The following CADM2 variants were observed in gnomAD, a reference collection of about 807,000 sequenced individuals.
The protein encoded by CADM2 is immunoglobulin superfamily member 4D.
CADM2 carries 12 observed loss-of-function variants against 49.8 expected under a neutral mutation model. The observed-to-expected ratio is 0.24, with a 90% CI of 0.15 to 0.39. The LOEUF is 0.39. Ranked by LOEUF, CADM2 falls within the 10% of genes least tolerant of loss-of-function variation. CADM2 has a pLI of 1.00. For missense variants in CADM2, 378 were observed against 492.3 expected, an observed-to-expected ratio of 0.77 and a Z score of 2.20; for synonymous variants, 214 against 175.4, an observed-to-expected ratio of 1.22 and a Z score of -1.74.
chr3:85,349,736 G>A (rs2031141397), intron 1 of CADM2, among the ~76,000 whole-genome samples: 1 of 152,208 alleles, frequency 6.6e-6, no homozygotes, highest in Non-Finnish European at 1.5e-5. Flanking sequence ...ATTGCAGTGA[G>A]AGAGAACAGA....
chr3:85,269,998 G>A (rs1410574715), intron 1 of CADM2, among the ~76,000 whole-genome samples: 4 of 150,848 alleles, frequency 2.7e-5, no homozygotes, highest in Non-Finnish European at 5.9e-5. Context: ...TTAGGTTCCC[G>A]GGGAAAAAAG....
At chr3:85,475,019 C>A (rs1215003301) in intron 1 of CADM2, among the ~76,000 whole-genome samples, 7 of 151,812 alleles carry the variant, frequency 4.6e-5, no homozygotes, top group African/African-American at 1.7e-4. Context: ...ACTCTCAGAT[C>A]CACCTTGAGA....
At position 85,077,921 on chromosome 3, in the gene CADM2, T is replaced by C. The variant is rs573837281; in HGVS notation, c.61+118253T>C. Among the ~76,000 whole-genome samples, 9 of 152,190 alleles carry C rather than the reference T, an allele frequency of 5.9e-5. No individual in the cohort carries two copies. In the South Asian group the frequency reaches 1.7e-3, roughly 28 times the overall value. ...ACTTGTTTCTTACTATTGCGTAGGA[T>C]TAAAATTTTGGCATCATGTTTGGTT... On this transcript the variant is annotated intron_variant, in intron 1 of 9. Transcript: ENST00000383699.
At position 85,734,711 on chromosome 3, in the gene CADM2, A is replaced by C. The variant is rs1231670617; in HGVS notation, c.88+8163A>C. ...ATATAATATATATATTTTAAATATA[A>C]TGTGTATATCTTTTTAAATATAATA... On this transcript the variant is annotated intron_variant, in intron 2 of 9. Coordinates refer to ENST00000383699, the MANE Select transcript of CADM2 (RefSeq NM_001167675.2). Among the ~76,000 whole-genome samples, 7 of 147,374 alleles carry C rather than the reference A, an allele frequency of 4.7e-5. No individual in the cohort carries two copies. The East Asian group carries it at 1.2e-3, about 25-fold the overall frequency.
intron 8 of CADM2, chr3:86,013,215 G>T (rs1486091931): frequency 1.4e-6 from 2 of 1,405,416 alleles, no homozygotes; most frequent in African/African-American, 1.4e-5. Context: ...AAACTTCTGA[G>T]CAGGAACAAA....
chr3:85,039,787 C>G (rs2035366154), intron 1 of CADM2, among the ~76,000 whole-genome samples: 1 of 152,136 alleles, frequency 6.6e-6, no homozygotes, highest in Non-Finnish European at 1.5e-5. Flanking sequence ...CCTCCACACT[C>G]AACATCAAGA....
chr3:85,378,485 C>T (rs556573802), intron 1 of CADM2, among the ~76,000 whole-genome samples: 3 of 151,888 alleles, frequency 2.0e-5, no homozygotes, highest in Non-Finnish European at 2.9e-5. Flanking sequence ...TGTTTAGTTT[C>T]GTTGGTGGGT....
intron 1 of CADM2, among the ~76,000 whole-genome samples, chr3:85,545,821 A>AT (rs1283271841): frequency 6.6e-6 from 1 of 152,068 alleles, no homozygotes; most frequent in East Asian, 1.9e-4. Flanking sequence ...CTGAAATTTA[A>AT]TTTTTTATGT....
intron 1 of CADM2, among the ~76,000 whole-genome samples, chr3:85,344,114 G>A (rs781659155): frequency 2.6e-5 from 4 of 152,036 alleles, no homozygotes; most frequent in Admixed American, 6.6e-5. Context: ...CCGGGCTCAC[G>A]CCTGTAATCC....
In CADM2 at chr3:85,883,368, T is replaced by G. The variant is rs1713099394; in HGVS notation, c.316T>G (p.Ser106Ala). 5 of 1,613,486 alleles carry G rather than the reference T, an allele frequency of 3.1e-6. No individual in the cohort carries two copies. The highest frequency in any genetic ancestry group is 3.4e-6 in the Non-Finnish European group (4 of 1,179,576). Reference protein sequence around the residue: ...LSISVSDVSLSDEGQYTCSLF... With the variant: ...LSISVSDVSLADEGQYTCSLF... The stretch of plus-strand genomic sequence containing the variant: ...TATTAGTGTCAGTGATGTGTCTCTC[T>G]CTGATGAAGGACAGTACACCTGTTC... Residue 106 changes from serine to alanine, a missense_variant, in exon 4 of 10, where the codon TCT becomes GCT. Ser to Ala is a moderately conservative substitution (Grantham distance 99). Transcript: ENST00000383699.
intron 1 of CADM2, among the ~76,000 whole-genome samples, chr3:85,706,758 A>G (rs2066963741): frequency 6.6e-6 from 1 of 152,174 alleles, no homozygotes; most frequent in Non-Finnish European, 1.5e-5. Context: ...ATAAGCAAAA[A>G]GTCATTGCTT....
intron 1 of CADM2, among the ~76,000 whole-genome samples, chr3:85,373,636 T>C (rs2033412549): frequency 6.6e-6 from 1 of 152,206 alleles, no homozygotes; most frequent in African/African-American, 2.4e-5. Context: ...CCATGAGGGT[T>C]CCACCCCTGC....
At chr3:85,409,330 T>C (rs777073854) in intron 1 of CADM2, among the ~76,000 whole-genome samples, 3 of 152,162 alleles carry the variant, frequency 2.0e-5, no homozygotes, top group Non-Finnish European at 2.9e-5. Context: ...GCTAATATTA[T>C]GAGATTATAT....
At chr3:85,473,330 G>A (rs994693098) in intron 1 of CADM2, among the ~76,000 whole-genome samples, 23 of 151,944 alleles carry the variant, frequency 1.5e-4, no homozygotes, top group Admixed American at 7.9e-4. Context: ...CACAGCTGTC[G>A]ATAAAATATG....
intron 1 of CADM2, among the ~76,000 whole-genome samples, chr3:85,533,964 T>G (rs185769884): frequency 3.2e-4 from 48 of 152,260 alleles, no homozygotes; most frequent in Middle Eastern, 3.4e-3. Flanking sequence ...TCTAAACTTA[T>G]CATTTAGAAA....
rs533437247 is a variant in CADM2 at position 85,090,107 on chromosome 3, CA to C, written c.61+130447del. 6.3e-3 allele frequency among the ~76,000 whole-genome samples: 947 copies of C among 151,054 alleles called. 10 individuals are homozygous for C. Among genetic ancestry groups the C allele is most frequent in the African/African-American group, 0.019 (791 of 41,194 alleles). ...AATTTACATCCAGTACATTTATATA[CA>C]AAAAAAAGGCGTATTTTGAACATAT... On this transcript the variant is annotated intron_variant, in intron 1 of 9. Transcript: ENST00000383699.
intron 8 of CADM2, among the ~76,000 whole-genome samples, chr3:85,987,878 A>G (rs960528774): frequency 3.3e-5 from 5 of 152,176 alleles, no homozygotes; most frequent in African/African-American, 1.2e-4. Context: ...TCATTAATAA[A>G]CTGGCTGTAT....
intron 6 of CADM2, among the ~76,000 whole-genome samples, chr3:85,928,555 TA>T (rs796851347): frequency 5.3e-5 from 8 of 149,784 alleles, no homozygotes; most frequent in South Asian, 2.1e-4. Flanking sequence ...GGTAAAGCAA[TA>T]AAAAAAAAAT....
intron 3 of CADM2, among the ~76,000 whole-genome samples, chr3:85,839,459 A>C (rs1266964702): frequency 6.6e-6 from 1 of 151,120 alleles, no homozygotes; most frequent in Non-Finnish European, 1.5e-5. Flanking sequence ...AACATGAAAA[A>C]CATATGGTTA....
Sources: gnomAD v4.1 joint callset for allele counts (sites outside exome capture counted in the v4.1 genomes callset) on GRCh38, gnomAD v4.1.1 for gene constraint, MANE v1.5 for transcripts, NCBI Gene and HGNC (gene_info 2026-07-23, HGNC 2026-07-21) for gene names.